COG5: variants seen among roughly 807,000 people sequenced by gnomAD.
COG5 encodes the protein conserved oligomeric Golgi complex subunit 5.
In COG5, 86 loss-of-function variants were observed where a neutral mutation model predicts 110.4. That is an observed-to-expected ratio of 0.78 (90% CI 0.65 to 0.93). The LOEUF (loss-of-function observed/expected upper bound fraction) is 0.93, where lower values mean the gene tolerates loss of function less well. Ranked by LOEUF, COG5 falls within the 40% of genes least tolerant of loss-of-function variation. The pLI is 0.00. For missense variants in COG5, 1,077 were observed against 987.0 expected (o/e 1.09, Z -1.22); for synonymous variants, 360 against 334.6 (o/e 1.08, Z -0.83).
intron 10 of COG5, among the ~76,000 whole-genome samples, chr7:107,343,113 A>G (rs1212135771): frequency 1.3e-5 from 2 of 152,206 alleles, no homozygotes; most frequent in Non-Finnish European, 2.9e-5. Flanking sequence ...AAATTAATAC[A>G]GGAACAGAAA....
rs1793595235 is a variant in COG5 at position 107,425,653 on chromosome 7, CAG to C, written c.539-13023_539-13022del. Among the ~76,000 whole-genome samples the C allele has an allele frequency of 2.0e-5, 3 of 151,842 alleles. No individual in the cohort carries two copies. In the South Asian group the frequency reaches 6.2e-4, roughly 32 times the overall value. On this transcript the variant is annotated intron_variant, in intron 6 of 21. Coordinates refer to ENST00000297135, the MANE Select transcript of COG5 (RefSeq NM_006348.5). ...AAATTTTAAGGGCTTTAAGTTAACTCAGAATATCTACTCTCTAATCTACACAT... is the reference window on the plus strand; with the variant it reads ...AAATTTTAAGGGCTTTAAGTTAACTCAATATCTACTCTCTAATCTACACAT...
At chr7:107,376,539 TG>T (rs1814654395) in intron 7 of COG5, among the ~76,000 whole-genome samples, 1 of 152,036 alleles carries the variant, frequency 6.6e-6, no homozygotes, top group Admixed American at 6.5e-5. Context: ...ATAAATTGTA[TG>T]TTTTTAAATT....
At chr7:107,211,335 A>C in intron 19 of COG5, 110 bp from the exon 20 acceptor site, 5 of 1,252,952 alleles carry the variant, frequency 4.0e-6, no homozygotes, top group Non-Finnish European at 5.7e-6. Context: ...TTGGCTACTG[A>C]AGGAGCCCTC....
intron 14 of COG5, among the ~76,000 whole-genome samples, chr7:107,259,718 G>T (rs916720004): frequency 5.3e-5 from 8 of 152,104 alleles, no homozygotes; most frequent in Non-Finnish European, 1.2e-4. Flanking sequence ...CAATTTTGAA[G>T]AACAAAGAAA....
intron 12 of COG5, among the ~76,000 whole-genome samples, chr7:107,295,018 TATATATATACACACAC>T (rs1806550932): frequency 1.2e-5 from 1 of 83,420 alleles, no homozygotes; most frequent in South Asian, 3.8e-4. Flanking sequence ...TATACACACA[TATATATATACACACAC>T]ATATACACAC....
intron 12 of COG5, among the ~76,000 whole-genome samples, chr7:107,295,111 T>A (rs1806633249): frequency 2.6e-5 from 3 of 116,784 alleles, no homozygotes; most frequent in East Asian, 5.1e-4. Context: ...ATTTTTTTTT[T>A]TTTTTTGTAG....
intron 14 of COG5, among the ~76,000 whole-genome samples, chr7:107,265,682 A>G (rs899296937): frequency 5.3e-5 from 8 of 152,222 alleles, no homozygotes; most frequent in Non-Finnish European, 1.2e-4. Flanking sequence ...CTTGTCAATT[A>G]TCCTATAAAA....
intron 10 of COG5, among the ~76,000 whole-genome samples, chr7:107,327,565 A>C (rs573609385): frequency 1.3e-3 from 204 of 152,330 alleles, no homozygotes; most frequent in African/African-American, 4.7e-3. Context: ...GTTAATATTC[A>C]GAATATATAA....
At chr7:107,301,396 A>T (rs1205112931) in intron 11 of COG5, among the ~76,000 whole-genome samples, 1 of 152,220 alleles carries the variant, frequency 6.6e-6, no homozygotes, top group Non-Finnish European at 1.5e-5. Context: ...AAGAACTCTC[A>T]AGTCTCCATA....
At chr7:107,226,774 C>T (rs951684297) in intron 19 of COG5, among the ~76,000 whole-genome samples, 15 of 152,234 alleles carry the variant, frequency 9.9e-5, no homozygotes, top group Middle Eastern at 3.4e-3. Flanking sequence ...CCTAATCCTA[C>T]GCTTTTTATA....
At chr7:107,292,626 A>G (rs1806269213) in intron 12 of COG5, among the ~76,000 whole-genome samples, 1 of 152,160 alleles carries the variant, frequency 6.6e-6, no homozygotes. Flanking sequence ...TCTTAACAGG[A>G]CCCGTTTAGG....
At chr7:107,207,127 G>A (rs1373145511) in intron 21 of COG5, among the ~76,000 whole-genome samples, 1 of 152,208 alleles carries the variant, frequency 6.6e-6, no homozygotes, top group Non-Finnish European at 1.5e-5. Flanking sequence ...AATGTGATTA[G>A]TAAGTACTGA....
intron 6 of COG5, among the ~76,000 whole-genome samples, chr7:107,502,945 T>A (rs965351062): frequency 6.6e-6 from 1 of 152,100 alleles, no homozygotes; most frequent in African/African-American, 2.4e-5. Flanking sequence ...AGTCTTATCT[T>A]CTCCCGTTCT....
intron 5 of COG5, among the ~76,000 whole-genome samples, chr7:107,530,395 A>G (rs1206215144): frequency 1.7e-4 from 26 of 152,186 alleles, no homozygotes; most frequent in Non-Finnish European, 2.9e-5. Flanking sequence ...TTAGGTCGAG[A>G]GTTCGAGACC....
intron 13 of COG5, 139 bp from the exon 14 acceptor site, chr7:107,281,538 T>C (rs1805166404): frequency 2.7e-5 from 19 of 698,172 alleles, no homozygotes; most frequent in South Asian, 2.3e-4. Flanking sequence ...ACTGGTTGCA[T>C]TGTTTCATTT....
intron 11 of COG5, among the ~76,000 whole-genome samples, chr7:107,304,807 G>A (rs1305084637): frequency 6.6e-6 from 1 of 152,184 alleles, no homozygotes; most frequent in Non-Finnish European, 1.5e-5. Context: ...ACCTTCAGAT[G>A]CCCAAATACT....
At chr7:107,215,663 TCAAACAAACAAA>T (rs1018123941) in intron 19 of COG5, among the ~76,000 whole-genome samples, 14 of 151,732 alleles carry the variant, frequency 9.2e-5, no homozygotes. Context: ...AGACTCCGTC[TCAAACAAACAAA>T]CAAACAAACA....
intron 19 of COG5, among the ~76,000 whole-genome samples, chr7:107,219,275 A>C (rs1256044610): frequency 6.6e-6 from 1 of 152,174 alleles, no homozygotes; most frequent in East Asian, 1.9e-4. Flanking sequence ...GGAAAACTGT[A>C]TGGCAGTTCC....
chr7:107,517,538 T>C lies in COG5; in HGVS notation c.538+9699A>G, dbSNP rs538299128. 2.0e-5 allele frequency among the ~76,000 whole-genome samples: 3 copies of C among 152,110 alleles called. 1 individual carries two copies. The highest frequency in any genetic ancestry group is 1.3e-4 in the Admixed American group (2 of 15,278). ...ATGAGAAGATAAACCCCAAGACATA[T>C]AATCATCAGATTCTTCACGGTTGAA... On this transcript the variant is annotated intron_variant, in intron 6 of 21. Transcript: ENST00000297135.
Sources: allele counts gnomAD v4.1 joint callset (sites outside exome capture counted in the v4.1 genomes callset), GRCh38; gene constraint gnomAD v4.1.1; transcripts MANE v1.5; gene names NCBI Gene and HGNC (gene_info 2026-07-23, HGNC 2026-07-21).